The following LMAN2 variants were observed in gnomAD, a reference collection of about 807,000 sequenced individuals.
LMAN2 encodes lectin, mannose binding 2.
A neutral mutation model predicts 39.3 loss-of-function variants in LMAN2; 22 were observed. That is an observed-to-expected ratio of 0.56 (90% CI 0.40 to 0.80). The LOEUF (loss-of-function observed/expected upper bound fraction) is 0.80, where lower values mean the gene tolerates loss of function less well. Ranked by LOEUF, LMAN2 falls within the 30% of genes least tolerant of loss-of-function variation. The pLI, the probability that LMAN2 is intolerant of heterozygous loss-of-function variation, is 0.00. For missense variants in LMAN2, 494 were observed against 505.4 expected, an observed-to-expected ratio of 0.98 and a Z score of 0.22; for synonymous variants, 207 against 207.8, an observed-to-expected ratio of 1.00 and a Z score of 0.03.
In LMAN2 at chr5:177,332,303, C is replaced by T. The variant is rs567702313; in HGVS notation, c.911-57G>A. ...GCAGCACGGGCCGGGGATCAGGGGG[C>T]TGCAGGAGGGCAGTGGGGATGGAAC... On this transcript the variant is annotated intron_variant, in intron 7 of 7. Coordinates refer to ENST00000303127, the MANE Select transcript of LMAN2 (RefSeq NM_006816.3). The surrounding 1 kb of genome is among the most constrained non-coding windows in gnomAD (Gnocchi z 6.3). The T allele has an allele frequency of 6.4e-3, 9,760 of 1,533,110 alleles. 36 individuals carry two copies. The highest frequency in any genetic ancestry group is 8.2e-3 in the Non-Finnish European group (9,194 of 1,120,632). 95.0% of individuals were successfully genotyped at this position (1,533,110 alleles called of 1,614,324 possible).
intron 6 of LMAN2, chr5:177,336,874 G>A: frequency 1.8e-6 from 1 of 550,202 alleles, no homozygotes; most frequent in Non-Finnish European, 3.3e-6. Flanking sequence ...GAGGAACACA[G>A]CCAGGTGAGC....
chr5:177,344,769 G>A (rs990506494), intron 2 of LMAN2, among the ~76,000 whole-genome samples: 35 of 151,616 alleles, frequency 2.3e-4, no homozygotes, highest in African/African-American at 8.2e-4. Context: ...AGCCGGGTGC[G>A]GTGGCGGGCG....
chr5:177,347,225 A>G (rs1761649680), intron 2 of LMAN2, among the ~76,000 whole-genome samples: 1 of 152,172 alleles, frequency 6.6e-6, no homozygotes. Flanking sequence ...ACCCTGAAGA[A>G]AGACCAGGCT....
Position 177,340,881 on chromosome 5 carries a change from A to T in LMAN2, c.316-2276T>A, listed in dbSNP as rs536257193. On this transcript the variant is annotated intron_variant, in intron 2 of 7. Transcript: ENST00000303127. ...GCCATTCTCCTGCCTCAGCCTCCCCAGTAGTTGGGACTACAGGCGCCCGCC... is the reference window on the plus strand; with the variant it reads ...GCCATTCTCCTGCCTCAGCCTCCCCTGTAGTTGGGACTACAGGCGCCCGCC... Among the ~76,000 whole-genome samples, 301 of 151,552 alleles carry T rather than the reference A, an allele frequency of 2.0e-3. 3 individuals are homozygous for T. The highest frequency in any genetic ancestry group is 6.7e-3 in the African/African-American group (277 of 41,456).
Position 177,334,279 on chromosome 5 carries a change from C to A in LMAN2, c.910+5G>T. On this transcript the variant is annotated splice_donor_5th_base_variant and intron_variant, in intron 7 of 7. Coordinates refer to ENST00000303127, the MANE Select transcript of LMAN2 (RefSeq NM_006816.3). The stretch of plus-strand genomic sequence containing the variant: ...CCCAGGCAGGGCGGGGCTGTGCACA[C>A]GCACCTTTGGGCGACTTGAGGAAGT... 1 of 1,610,766 alleles carries A rather than the reference C, an allele frequency of 6.2e-7. No homozygotes were observed. Among genetic ancestry groups the A allele is most frequent in the Non-Finnish European group, 8.5e-7 (1 of 1,179,476 alleles).
In LMAN2 at chr5:177,349,273, G is replaced by A. The variant is rs182281623; in HGVS notation, c.315+1900C>T. On this transcript the variant is annotated intron_variant, in intron 2 of 7. Coordinates refer to ENST00000303127, the MANE Select transcript of LMAN2 (RefSeq NM_006816.3). ...TGCTCAGAAGACAGCAGGTGTTCAG[G>A]GAATGTTCGCCTGAGTGCATGCCTC... Among the ~76,000 whole-genome samples, 47 of 152,292 alleles carry A rather than the reference G, an allele frequency of 3.1e-4. No homozygotes were observed. In the East Asian group the frequency reaches 7.5e-3, roughly 24 times the overall value.
At chr5:177,348,710 AAAAC>A (rs1416717386) in intron 2 of LMAN2, among the ~76,000 whole-genome samples, 13 of 150,022 alleles carry the variant, frequency 8.7e-5, no homozygotes, top group Admixed American at 3.3e-4. Flanking sequence ...AAAAAAAAAA[AAAAC>A]CTCTACTAAA....
At chr5:177,347,310 C>T (rs897836303) in intron 2 of LMAN2, among the ~76,000 whole-genome samples, 2 of 151,990 alleles carry the variant, frequency 1.3e-5, no homozygotes, top group Non-Finnish European at 2.9e-5. Flanking sequence ...ACACCCATTC[C>T]CAGCATGTTC....
chr5:177,350,772 C>G (rs1203784931), intron 2 of LMAN2, among the ~76,000 whole-genome samples: 1 of 152,218 alleles, frequency 6.6e-6, no homozygotes, highest in Non-Finnish European at 1.5e-5. Context: ...GCCTAATACA[C>G]AGCAAAACAC....
rs764922843 is a variant in LMAN2 at position 177,337,721 on chromosome 5, A to G, written c.498T>C (p.Asn166=). 1.2e-6 allele frequency: 2 copies of G among 1,614,036 alleles called. No individual in the cohort carries two copies. Among genetic ancestry groups the G allele is most frequent in the South Asian group, 1.1e-5 (1 of 91,052 alleles). ...AGGGGCCTACCTCAGTGGTCTCATCATTGGGGTAGGTGTCCAGGAAGATGG... is the reference window on the plus strand; with the variant it reads ...AGGGGCCTACCTCAGTGGTCTCATCGTTGGGGTAGGTGTCCAGGAAGATGG... ...GLAIFLDTYP[N]DETTERVFPY... is the part of the protein sequence containing the mutation. Residue 166 remains asparagine, a synonymous_variant, in exon 4 of 8, where the codon AAT becomes AAC. Coordinates refer to ENST00000303127, the MANE Select transcript of LMAN2 (RefSeq NM_006816.3). This position sits in a 1 kb window ranked among gnomAD's most constrained non-coding sequence, Gnocchi z 8.2.
At chr5:177,344,215 C>T (rs887095084) in intron 2 of LMAN2, among the ~76,000 whole-genome samples, 1 of 150,910 alleles carries the variant, frequency 6.6e-6, no homozygotes, top group Admixed American at 6.6e-5. Flanking sequence ...GAGACCCCCC[C>T]CATCTCTAAA....
chr5:177,340,382 T>C (rs2127316454), intron 2 of LMAN2, among the ~76,000 whole-genome samples: 2 of 152,296 alleles, frequency 1.3e-5, no homozygotes, highest in South Asian at 4.1e-4. Flanking sequence ...GCAGGTTACA[T>C]GGGTATACTG....
In LMAN2 at chr5:177,351,269, G is replaced by C. The variant is rs779284712; in HGVS notation, c.219C>G (p.Pro73=). The part of the protein sequence containing the change: ...PYQGVGSSSM[P]LWDFQGSTML... Reference sequence around the variant, plus strand: ...TAGTGCTGCCCTGGAAGTCCCAGAGGGGCATAGAGCTGGAACCGACCCCTG... The same window carrying C: ...TAGTGCTGCCCTGGAAGTCCCAGAGCGGCATAGAGCTGGAACCGACCCCTG... The change falls in exon 2 of 8, where the codon CCC becomes CCG. Residue 73 remains proline (P), a synonymous_variant. Transcript: ENST00000303127. 1 of 1,614,070 alleles carries C rather than the reference G, an allele frequency of 6.2e-7. No individual in the cohort carries two copies. The highest frequency in any genetic ancestry group is 8.5e-7 in the Non-Finnish European group (1 of 1,180,028).
At position 177,332,516 on chromosome 5, in the gene LMAN2, C is replaced by T. The variant is rs1761404430; in HGVS notation, c.911-270G>A. Among the ~76,000 whole-genome samples, 1 of 152,136 alleles carries T rather than the reference C, an allele frequency of 6.6e-6. No homozygotes were observed. ...CTGGGCTGCCTTCTGCTGCAGGAAG[C>T]CAGTTAAAACCAGACTCCTGGGCTC... On this transcript the variant is annotated intron_variant, in intron 7 of 7. Transcript: ENST00000303127. This position sits in a 1 kb window ranked among gnomAD's most constrained non-coding sequence, Gnocchi z 6.3.
chr5:177,335,103 C>G (rs1278746726), intron 6 of LMAN2, among the ~76,000 whole-genome samples: 1 of 152,206 alleles, frequency 6.6e-6, no homozygotes, highest in Non-Finnish European at 1.5e-5. Context: ...CAGCCTGGGA[C>G]TGGAATCTGA....
At chr5:177,345,776 TA>T (rs1342832819) in intron 2 of LMAN2, among the ~76,000 whole-genome samples, 6 of 151,412 alleles carry the variant, frequency 4.0e-5, no homozygotes, top group African/African-American at 1.5e-4. Flanking sequence ...TTTATTTATT[TA>T]TTTATTTTTT....
intron 3 of LMAN2, among the ~76,000 whole-genome samples, chr5:177,338,223 G>C (rs190087017): frequency 6.6e-6 from 1 of 152,192 alleles, no homozygotes; most frequent in Non-Finnish European, 1.5e-5. Flanking sequence ...AACAATAACT[G>C]TTTAAAATGG....
Position 177,332,338 on chromosome 5 carries a change from G to C in LMAN2, c.911-92C>G. ...GCAGTGGGGATGGAACAGGACAGCC[G>C]GCCACGGTGGGCAGGCCGGTCGTAC... is the stretch of plus-strand genomic sequence containing the variant. On this transcript the variant is annotated intron_variant, in intron 7 of 7. Transcript: ENST00000303127. The surrounding 1 kb of genome is among the most constrained non-coding windows in gnomAD (Gnocchi z 6.3). The C allele has an allele frequency of 8.3e-7, 1 of 1,204,676 alleles. No individual in the cohort carries two copies. Among genetic ancestry groups the C allele is most frequent in the Admixed American group, 2.2e-5 (1 of 46,278 alleles). The allele number at this position is 1,204,676 out of a possible 1,614,324, so 74.6% of individuals were successfully genotyped here. A position where few individuals can be genotyped will look rare whatever the true frequency, so the allele number is the denominator to read the frequency against.
intron 2 of LMAN2, among the ~76,000 whole-genome samples, chr5:177,340,152 G>A (rs1237922670): frequency 2.0e-5 from 3 of 152,086 alleles, no homozygotes; most frequent in East Asian, 1.9e-4. Context: ...CAAACCAAAG[G>A]AGATGACTAA....
Sources: gnomAD v4.1 joint callset for allele counts (sites outside exome capture counted in the v4.1 genomes callset) on GRCh38, gnomAD v4.1.1 for gene constraint, Gnocchi (gnomAD v3.1) non-coding constraint, MANE v1.5 for transcripts, NCBI Gene and HGNC (gene_info 2026-07-23, HGNC 2026-07-21) for gene names.